The following KCNK10 variants were observed in gnomAD, a reference collection of about 807,000 sequenced individuals.
KCNK10 encodes potassium channel subfamily K member 10.
A neutral mutation model predicts 47.7 loss-of-function variants in KCNK10; 25 were observed. The observed-to-expected ratio is 0.52, with a 90% CI of 0.38 to 0.73. KCNK10 has a LOEUF of 0.73. Ranked by LOEUF, KCNK10 falls within the 30% of genes least tolerant of loss-of-function variation. The probability of loss-of-function intolerance (pLI) is 0.00; values close to 1 mark genes in which losing one functional copy is unlikely to be tolerated. For synonymous variants in KCNK10, 303 were observed against 285.6 expected, an observed-to-expected ratio of 1.06 and a Z score of -0.61; for missense variants, 563 against 714.5, an observed-to-expected ratio of 0.79 and a Z score of 2.42.
intron 2 of KCNK10, among the ~76,000 whole-genome samples, chr14:88,254,219 G>A (rs1443920035): frequency 6.6e-6 from 1 of 152,178 alleles, no homozygotes; most frequent in African/African-American, 2.4e-5. Context: ...GCCTACCAGG[G>A]AGTGAGATAA....
At chr14:88,210,178 C>A (rs1327124904) in intron 4 of KCNK10, among the ~76,000 whole-genome samples, 1 of 152,186 alleles carries the variant, frequency 6.6e-6, no homozygotes, top group Non-Finnish European at 1.5e-5. Context: ...AAAACTGAGG[C>A]ACAGCCTGAG....
intron 1 of KCNK10, among the ~76,000 whole-genome samples, chr14:88,286,526 T>G (rs1198576356): frequency 1.3e-5 from 2 of 152,194 alleles, no homozygotes; most frequent in Non-Finnish European, 2.9e-5. Flanking sequence ...GTAACACTCT[T>G]GTTATAACAC....
intron 2 of KCNK10, 147 bp from the exon 3 acceptor site, chr14:88,240,967 G>A: frequency 1.8e-6 from 1 of 543,716 alleles, no homozygotes; most frequent in Admixed American, 3.0e-5. Context: ...GATGATGGTA[G>A]CATCCCAAAG....
chr14:88,192,761 A>C (rs1884790727), intron 4 of KCNK10, among the ~76,000 whole-genome samples: 1 of 152,214 alleles, frequency 6.6e-6, no homozygotes, highest in Non-Finnish European at 1.5e-5. Flanking sequence ...ATGGTTTCCC[A>C]AAAATGCTAC....
intron 1 of KCNK10, among the ~76,000 whole-genome samples, chr14:88,301,464 A>G (rs1888096419): frequency 6.6e-6 from 1 of 152,106 alleles, no homozygotes; most frequent in Non-Finnish European, 1.5e-5. Flanking sequence ...TTAAACTAAC[A>G]AATAGAACTT....
chr14:88,320,473 T>G (rs1367673185), intron 1 of KCNK10, among the ~76,000 whole-genome samples: 1 of 152,174 alleles, frequency 6.6e-6, no homozygotes, highest in East Asian at 1.9e-4. Flanking sequence ...CTCTGTTCCT[T>G]GAAGATCCTG....
intron 2 of KCNK10, 94 bp from the exon 3 acceptor site, chr14:88,240,914 C>T: frequency 1.3e-6 from 1 of 750,958 alleles, no homozygotes; most frequent in South Asian, 1.7e-5. Context: ...CATTATTCCC[C>T]TACTCAAGAA....
intron 1 of KCNK10, among the ~76,000 whole-genome samples, chr14:88,272,767 G>A (rs1887436083): frequency 6.6e-6 from 1 of 152,118 alleles, no homozygotes; most frequent in Admixed American, 6.5e-5. Flanking sequence ...GAGATCGTCT[G>A]TGGGGGGTGT....
chr14:88,274,560 A>C (rs553536988), intron 1 of KCNK10, among the ~76,000 whole-genome samples: 1 of 149,866 alleles, frequency 6.7e-6, no homozygotes, highest in African/African-American at 2.5e-5. Context: ...AAAAAAAAAA[A>C]AAAAAAGATC....
At chr14:88,297,511 G>A (rs1888009724) in intron 1 of KCNK10, among the ~76,000 whole-genome samples, 1 of 152,164 alleles carries the variant, frequency 6.6e-6, no homozygotes, top group South Asian at 2.1e-4. Flanking sequence ...TATTAGCTAG[G>A]AGACAGCGTT....
chr14:88,305,988 T>A (rs1206905063), intron 1 of KCNK10, among the ~76,000 whole-genome samples: 1 of 152,120 alleles, frequency 6.6e-6, no homozygotes, highest in African/African-American at 2.4e-5. Flanking sequence ...TCCCCAACAC[T>A]TCCTGCCTTC....
At chr14:88,205,655 C>T (rs111961854) in intron 4 of KCNK10, among the ~76,000 whole-genome samples, 4,246 of 150,396 alleles carry the variant, frequency 0.028, 215 homozygotes, top group African/African-American at 0.098. Context: ...AGTGATTCTC[C>T]TGCCTCAGCC....
At chr14:88,192,653 C>CA (rs1333182077) in intron 4 of KCNK10, among the ~76,000 whole-genome samples, 1 of 152,100 alleles carries the variant, frequency 6.6e-6, no homozygotes, top group Non-Finnish European at 1.5e-5. Flanking sequence ...GTCAAACAAA[C>CA]AAAAAAATCC....
At chr14:88,324,507 A>G (rs1193941003), upstream of KCNK10, among the ~76,000 whole-genome samples, 1 of 152,298 alleles carries the variant, frequency 6.6e-6, no homozygotes, top group East Asian at 1.9e-4. Flanking sequence ...GGTTACTAAA[A>G]TTTGTTGTTC....
At chr14:88,189,610 G>A (rs771134530) in intron 5 of KCNK10, among the ~76,000 whole-genome samples, 2 of 152,208 alleles carry the variant, frequency 1.3e-5, no homozygotes, top group African/African-American at 4.8e-5. Context: ...ATCTGGATTC[G>A]GAGTTCTGTG....
chr14:88,200,024 T>C (rs1488823162), intron 4 of KCNK10, among the ~76,000 whole-genome samples: 3 of 151,466 alleles, frequency 2.0e-5, no homozygotes, highest in Non-Finnish European at 4.4e-5. Context: ...TTCTCTTCTT[T>C]CCTTCTTTCT....
chr14:88,326,036 T>C (rs1238048944), upstream of KCNK10, among the ~76,000 whole-genome samples: 1 of 152,036 alleles, frequency 6.6e-6, no homozygotes, highest in Non-Finnish European at 1.5e-5. Context: ...AGACTTGCAC[T>C]AGTCATTGGC....
chr14:88,227,234 G>T, intron 4 of KCNK10, 141 bp downstream of exon 4: 2 of 681,038 alleles, frequency 2.9e-6, no homozygotes, highest in Non-Finnish European at 4.6e-6. Context: ...ACTTCCATTG[G>T]CCAAAACAGA....
chr14:88,287,679 GTGTGTGTGTGT>G (rs1887793094), intron 1 of KCNK10, among the ~76,000 whole-genome samples: 1,100 of 3,676 alleles, frequency 0.3, 46 homozygotes, highest in East Asian at 0.48. Context: ...TCCATGGTGT[GTGTGTGTGTGT>G]GTGTGTGTGT....
Sources: allele counts gnomAD v4.1 joint callset (sites outside exome capture counted in the v4.1 genomes callset), GRCh38; gene constraint gnomAD v4.1.1; transcripts MANE v1.5; gene names NCBI Gene and HGNC (gene_info 2026-07-23, HGNC 2026-07-21).